The following PAX9 variants were observed in gnomAD, a reference collection of about 807,000 sequenced individuals.
The protein encoded by PAX9 is paired box 9, also known as paired box protein Pax-9.
A neutral mutation model predicts 29.1 loss-of-function variants in PAX9; 6 were observed. The ratio of observed to expected loss-of-function variants is 0.21; its 90% CI spans 0.11 to 0.41. The LOEUF is 0.41. Ranked by LOEUF, PAX9 falls within the 10% of genes least tolerant of loss-of-function variation. PAX9 has a pLI of 1.00. For missense variants in PAX9, 443 were observed against 479.1 expected (o/e 0.92, Z 0.70); for synonymous variants, 217 against 211.7 (o/e 1.03, Z -0.22).
chr14:36,668,470 C>G (rs1346984935), intron 3 of PAX9, among the ~76,000 whole-genome samples: 1 of 152,200 alleles, frequency 6.6e-6, no homozygotes, highest in African/African-American at 2.4e-5. Context: ...CTTATTGCAG[C>G]CTCTGCCTCC....
In PAX9 at chr14:36,678,578, T is replaced by C; in HGVS notation, c.*2126T>C. 12 of 1,517,638 alleles carry C rather than the reference T, an allele frequency of 7.9e-6. No individual in the cohort carries two copies. Among genetic ancestry groups the C allele is most frequent in the Non-Finnish European group, 9.7e-6 (11 of 1,137,650 alleles). 94.0% of individuals were successfully genotyped at this position (1,517,638 alleles called of 1,614,324 possible). On this transcript the variant is annotated 3_prime_UTR_variant, in exon 4 of 4. Transcript: ENST00000361487. ...TTAAAACCATACCATACAGGGACTC[T>C]CCTGTCATCTGAAAAACTGATGTAA...
intron 2 of PAX9, 91 bp downstream of exon 2, chr14:36,663,614 T>G (rs2139109063): frequency 6.6e-7 from 1 of 1,510,186 alleles, no homozygotes; most frequent in Non-Finnish European, 9.1e-7. Flanking sequence ...AGGGACACTG[T>G]CTTTCCCACC....
chr14:36,662,216 CTT>C, intron 1 of PAX9, 123 bp downstream of exon 1: 1 of 1,135,720 alleles, frequency 8.8e-7, no homozygotes, highest in East Asian at 2.6e-5. Flanking sequence ...TCTCTATTGA[CTT>C]TGCTCGTGTT....
At position 36,679,338 on chromosome 14, in the gene PAX9, C is replaced by T. The variant is rs1566483875; in HGVS notation, c.*2886C>T. 1 of 969,758 alleles carries T rather than the reference C, an allele frequency of 1.0e-6. No homozygotes were observed. The highest frequency in any genetic ancestry group is 6.2e-5 in the Admixed American group (1 of 16,232). The allele number at this position is 969,758 out of a possible 1,614,324, so 60.1% of individuals were successfully genotyped here. A position where few individuals can be genotyped will look rare whatever the true frequency, so the allele number is the denominator to read the frequency against. ...CTTTTATTTTTATACTTCAAATGCT[C>T]TAAATTAATAAAAAGTAATAATTAC... On this transcript the variant is annotated 3_prime_UTR_variant, in exon 4 of 4. Coordinates refer to ENST00000361487, the MANE Select transcript of PAX9 (RefSeq NM_001372076.1).
chr14:36,664,144 C>T (rs1881400793), intron 2 of PAX9, among the ~76,000 whole-genome samples: 5 of 152,228 alleles, frequency 3.3e-5, no homozygotes. Context: ...TAGTAACTTG[C>T]ATGTAACTCA....
chr14:36,676,508 C>G lies in PAX9; in HGVS notation c.*56C>G. 1 of 1,594,582 alleles carries G rather than the reference C, an allele frequency of 6.3e-7. No individual in the cohort carries two copies. The highest frequency in any genetic ancestry group is 1.1e-5 in the South Asian group (1 of 90,198). On this transcript the variant is annotated 3_prime_UTR_variant, in exon 4 of 4. Coordinates refer to ENST00000361487, the MANE Select transcript of PAX9 (RefSeq NM_001372076.1). Reference sequence around the variant, plus strand: ...GGGTCTCCCTGTCTCAGCACCTCCTCCCCCAATTCCCAGGTCTCACATCCC... The same window carrying G: ...GGGTCTCCCTGTCTCAGCACCTCCTGCCCCAATTCCCAGGTCTCACATCCC...
Position 36,670,873 on chromosome 14 carries a change from C to T in PAX9, c.771+4272C>T, listed in dbSNP as rs560008056. 8.5e-5 allele frequency among the ~76,000 whole-genome samples: 13 copies of T among 152,078 alleles called. 1 individual carries two copies. Among genetic ancestry groups the T allele is most frequent in the African/African-American group, 2.4e-4 (10 of 41,526 alleles). On this transcript the variant is annotated intron_variant, in intron 3 of 3. Coordinates refer to ENST00000361487, the MANE Select transcript of PAX9 (RefSeq NM_001372076.1). ...CATTTCTTAGAGACATTTACATCTA[C>T]AATATGATAAGTAAGCATAATTAAG... is the stretch of plus-strand genomic sequence containing the variant.
intron 2 of PAX9, among the ~76,000 whole-genome samples, chr14:36,664,980 G>A (rs977138590): frequency 2.0e-5 from 3 of 152,120 alleles, no homozygotes; most frequent in African/African-American, 7.2e-5. Context: ...GGGAAAGTGT[G>A]AGATCAGCAG....
chr14:36,675,863 G>A (rs965281456), intron 3 of PAX9, among the ~76,000 whole-genome samples: 5 of 152,166 alleles, frequency 3.3e-5, no homozygotes, highest in African/African-American at 1.2e-4. Context: ...CAGCCGAACA[G>A]ATTCTAAGAG....
intron 3 of PAX9, among the ~76,000 whole-genome samples, chr14:36,668,630 A>C (rs932508821): frequency 6.6e-6 from 1 of 151,974 alleles, no homozygotes; most frequent in Admixed American, 6.6e-5. Flanking sequence ...CTCGTGATCC[A>C]CCCACCTCGG....
In PAX9 at chr14:36,676,674, G is replaced by A; in HGVS notation, c.*222G>A. 3.3e-6 allele frequency: 2 copies of A among 599,036 alleles called. No homozygotes were observed. Among genetic ancestry groups the A allele is most frequent in the Non-Finnish European group, 6.0e-6 (2 of 335,732 alleles). The allele number at this position is 599,036 out of a possible 1,614,324, so 37.1% of individuals were successfully genotyped here. On this transcript the variant is annotated 3_prime_UTR_variant, in exon 4 of 4. Transcript: ENST00000361487. ...ACATGACTTTAGGATTTAAAAACAAGAGCAACAATAAGCATTGAATGAGAC... is the reference window on the plus strand; with the variant it reads ...ACATGACTTTAGGATTTAAAAACAAAAGCAACAATAAGCATTGAATGAGAC...
At chr14:36,662,687 G>C in intron 1 of PAX9, 2 of 621,550 alleles carry the variant, frequency 3.2e-6, no homozygotes, top group Non-Finnish European at 2.8e-6. Context: ...CCTCCGGCAC[G>C]GCAGGAATGA....
chr14:36,674,160 T>G (rs1881797694), intron 3 of PAX9, among the ~76,000 whole-genome samples: 2 of 152,238 alleles, frequency 1.3e-5, no homozygotes, highest in Admixed American at 6.5e-5. Context: ...CCTTAAAGTG[T>G]GTCTCCTTTG....
Position 36,676,615 on chromosome 14 carries a change from T to A in PAX9, c.*163T>A. ...CTTTGTGCTAATGACACTTACATAT[T>A]TCTTGCCATAACTTTTCTCTTGCAG... On this transcript the variant is annotated 3_prime_UTR_variant, in exon 4 of 4. Transcript: ENST00000361487. 2 of 786,240 alleles carry A rather than the reference T, an allele frequency of 2.5e-6. No homozygotes were observed. The highest frequency in any genetic ancestry group is 7.2e-4 in the Middle Eastern group (2 of 2,762). The allele number at this position is 786,240 out of a possible 1,614,324, so 48.7% of individuals were successfully genotyped here.
chr14:36,679,050 T>C lies in PAX9; in HGVS notation c.*2598T>C, dbSNP rs144585547. 1,063 of 985,528 alleles carry C rather than the reference T, an allele frequency of 1.1e-3. 8 individuals carry two copies. The African/African-American group carries it at 0.018, about 16-fold the overall frequency. 61.0% of individuals were successfully genotyped at this position (985,528 alleles called of 1,614,324 possible). A position where few individuals can be genotyped will look rare whatever the true frequency, so the allele number is the denominator to read the frequency against. ...AATGCACTCTTCAGAAATCCTTTTC[T>C]ATCTGATCCACATGGAGAGGTTAAA... On this transcript the variant is annotated 3_prime_UTR_variant, in exon 4 of 4. Transcript: ENST00000361487.
At chr14:36,661,732 G>A (rs1197561022), upstream of PAX9, 3 of 387,594 alleles carry the variant, frequency 7.7e-6, no homozygotes, top group East Asian at 9.6e-5. Flanking sequence ...AAGAGACAGC[G>A]GAAGGAGTTT....
rs1882032057 is a variant in PAX9, at chr14:36,678,723, CTT to C, written c.*2272_*2273del. 2.5e-6 allele frequency: 3 copies of C among 1,197,290 alleles called. No homozygotes were observed. The highest frequency in any genetic ancestry group is 3.1e-6 in the Non-Finnish European group (3 of 960,886). 74.2% of individuals were successfully genotyped at this position (1,197,290 alleles called of 1,614,324 possible). On this transcript the variant is annotated 3_prime_UTR_variant, in exon 4 of 4. Coordinates refer to ENST00000361487, the MANE Select transcript of PAX9 (RefSeq NM_001372076.1). ...TTTCTTTATCTAAATTAAGAAATCT[CTT>C]GTTATTGTGCTATTTATAATTTTTT...
intron 3 of PAX9, among the ~76,000 whole-genome samples, chr14:36,667,520 A>C (rs1881551649): frequency 2.0e-5 from 3 of 152,142 alleles, no homozygotes; most frequent in South Asian, 4.1e-4. Context: ...CCAAAGCCTC[A>C]AGCTATTCAG....
rs1307101085 is a variant in PAX9 at position 36,678,432 on chromosome 14, C to T, written c.*1980C>T. 1 of 1,405,404 alleles carries T rather than the reference C, an allele frequency of 7.1e-7. No homozygotes were observed. Among genetic ancestry groups the T allele is most frequent in the Non-Finnish European group, 9.7e-7 (1 of 1,026,786 alleles). The allele number at this position is 1,405,404 out of a possible 1,614,324, so 87.1% of individuals were successfully genotyped here. ...GAAGGAGCAGATGAACTCTCAGGGC[C>T]ATAGTCTTCCTTTGATCTTGTAAAA... On this transcript the variant is annotated 3_prime_UTR_variant, in exon 4 of 4. Transcript: ENST00000361487.
Sources: allele counts gnomAD v4.1 joint callset (sites outside exome capture counted in the v4.1 genomes callset), GRCh38; gene constraint gnomAD v4.1.1; transcripts MANE v1.5; gene names NCBI Gene and HGNC (gene_info 2026-07-23, HGNC 2026-07-21).